The following CAST variants were observed in gnomAD, a reference collection of about 807,000 sequenced individuals.
The protein encoded by CAST is calpastatin.
Under a neutral mutation model 119.6 loss-of-function variants are expected in CAST, and 76 were observed. The ratio of observed to expected loss-of-function variants is 0.64; its 90% CI spans 0.53 to 0.77. The LOEUF is 0.77. Among genes scored for constraint, CAST ranks in the 30% least tolerant of loss-of-function variants. The pLI is 0.00. For synonymous variants in CAST, 319 were observed against 331.6 expected (o/e 0.96, Z 0.41); for missense variants, 953 against 946.5 (o/e 1.01, Z -0.09).
intron 3 of CAST, among the ~76,000 whole-genome samples, chr5:96,698,687 C>T (rs1414975244): frequency 6.6e-6 from 1 of 152,128 alleles, no homozygotes; most frequent in Non-Finnish European, 1.5e-5. Flanking sequence ...AACTTGAAGC[C>T]TTTTATTACA....
At chr5:96,695,661 G>C (rs1357883575) in intron 2 of CAST, 175 bp from the exon 3 acceptor site, 3 of 474,128 alleles carry the variant, frequency 6.3e-6, no homozygotes, top group Non-Finnish European at 1.2e-5. Context: ...TTCAATATTT[G>C]TATCATCTTC....
At chr5:96,284,476 G>A in the CAST span, among the ~76,000 whole-genome samples, 3 of 152,128 alleles carry the variant, frequency 2.0e-5, no homozygotes, top group Non-Finnish European at 2.9e-5. Context: ...TAAGGGTGAC[G>A]GTGGGCTCTA....
chr5:95,966,280 T>C, the CAST span, among the ~76,000 whole-genome samples: 1 of 152,210 alleles, frequency 6.6e-6, no homozygotes, highest in Non-Finnish European at 1.5e-5. Flanking sequence ...CCTAGCCTTG[T>C]AATATGATGA....
chr5:96,480,666 T>A, the CAST span, among the ~76,000 whole-genome samples: 1 of 152,032 alleles, frequency 6.6e-6, no homozygotes. Context: ...AAGAATTCCA[T>A]CCAGAAGACA....
chr5:96,020,831 C>T, the CAST span, among the ~76,000 whole-genome samples: 1 of 122,290 alleles, frequency 8.2e-6, no homozygotes, highest in African/African-American at 3.1e-5. Context: ...CACCCCCCAC[C>T]CCCCACCCCC....
chr5:96,732,427 C>A (rs1251032387), intron 9 of CAST, among the ~76,000 whole-genome samples: 2 of 125,318 alleles, frequency 1.6e-5, no homozygotes, highest in African/African-American at 3.0e-5. Flanking sequence ...GAGTAGGTTG[C>A]GAAAATTTTC....
intron 3 of CAST, among the ~76,000 whole-genome samples, chr5:96,707,259 T>G (rs1032715698): frequency 2.6e-5 from 4 of 152,240 alleles, no homozygotes; most frequent in African/African-American, 9.6e-5. Flanking sequence ...TGCCATTTGT[T>G]TTCCTACAGA....
At chr5:96,686,441 G>A (rs1386344275) in intron 2 of CAST, among the ~76,000 whole-genome samples, 4 of 152,136 alleles carry the variant, frequency 2.6e-5, no homozygotes, top group Admixed American at 6.5e-5. Flanking sequence ...CAAGCAAAGA[G>A]GTAGAGGAAG....
the CAST span, among the ~76,000 whole-genome samples, chr5:96,340,951 C>T: frequency 6.6e-6 from 1 of 152,070 alleles, no homozygotes; most frequent in Non-Finnish European, 1.5e-5. Flanking sequence ...CAAAATCTAC[C>T]ATTGCTATGT....
At chr5:96,036,368 T>C in the CAST span, among the ~76,000 whole-genome samples, 1 of 152,092 alleles carries the variant, frequency 6.6e-6, no homozygotes, top group Admixed American at 6.6e-5. Context: ...GATAAGACTA[T>C]GGACTGAATT....
At chr5:96,140,694 G>A in the CAST span, among the ~76,000 whole-genome samples, 5 of 152,188 alleles carry the variant, frequency 3.3e-5, no homozygotes, top group Non-Finnish European at 5.9e-5. Flanking sequence ...GTTATGTTGG[G>A]TAATGTATTT....
At chr5:96,660,735 T>C (rs778095829), upstream of CAST, among the ~76,000 whole-genome samples, 1 of 152,174 alleles carries the variant, frequency 6.6e-6, no homozygotes, top group African/African-American at 2.4e-5. Flanking sequence ...TTTAAATTAC[T>C]GTAGTGGTGT....
chr5:96,297,642 A>G, the CAST span, among the ~76,000 whole-genome samples: 1 of 152,188 alleles, frequency 6.6e-6, no homozygotes, highest in African/African-American at 2.4e-5. Context: ...GGGAATTAGA[A>G]ATATATCCTT....
the CAST span, among the ~76,000 whole-genome samples, chr5:96,313,031 G>A: frequency 2.0e-5 from 3 of 152,026 alleles, no homozygotes; most frequent in African/African-American, 7.2e-5. Context: ...TGACGTTCAA[G>A]TCTACCACTG....
chr5:96,644,098 C>G (rs1443161616), intron 1 of CAST, among the ~76,000 whole-genome samples: 1 of 151,842 alleles, frequency 6.6e-6, no homozygotes, highest in African/African-American at 2.4e-5. Flanking sequence ...TGAAAAGGTT[C>G]TAAAATTGAC....
At chr5:96,676,219 C>G (rs1460921056) in intron 2 of CAST, among the ~76,000 whole-genome samples, 1 of 152,124 alleles carries the variant, frequency 6.6e-6, no homozygotes, top group Non-Finnish European at 1.5e-5. Flanking sequence ...ACAGGATTTG[C>G]CTTCCTTTAC....
At chr5:96,502,687 C>A in the CAST span, among the ~76,000 whole-genome samples, 76 of 149,192 alleles carry the variant, frequency 5.1e-4, 1 homozygote, top group African/African-American at 1.8e-3. Flanking sequence ...AAACATTGAC[C>A]TCTATCTGCT....
chr5:96,179,604 A>G, the CAST span, among the ~76,000 whole-genome samples: 43 of 152,340 alleles, frequency 2.8e-4, no homozygotes, highest in Admixed American at 9.1e-4. Flanking sequence ...ACAAAGTGAC[A>G]CAGAGAAGGC....
chr5:96,498,021 G>C, the CAST span, among the ~76,000 whole-genome samples: 18 of 152,120 alleles, frequency 1.2e-4, no homozygotes, highest in Non-Finnish European at 5.9e-5. Context: ...TTTAATCCAT[G>C]TTGAATTCAT....
Sources: allele counts gnomAD v4.1 joint callset (sites outside exome capture counted in the v4.1 genomes callset), GRCh38; gene constraint gnomAD v4.1.1; transcripts MANE v1.5; gene names NCBI Gene and HGNC (gene_info 2026-07-23, HGNC 2026-07-21).